Variants in MAGI1 observed in about 807,000 individuals in gnomAD.
MAGI1 encodes membrane associated guanylate kinase, WW and PDZ domain containing 1, also known as membrane-associated guanylate kinase, WW and PDZ domain-containing protein 1.
MAGI1 carries 58 observed loss-of-function variants against 139.9 expected under a neutral mutation model. The observed-to-expected ratio is 0.41, with a 90% CI of 0.34 to 0.52. MAGI1 has a LOEUF of 0.52. MAGI1 is among the 20% of genes least tolerant of loss of function. The pLI is 0.12. For missense variants in MAGI1, 1,874 were observed against 1,901.6 expected, an observed-to-expected ratio of 0.99 and a Z score of 0.27; for synonymous variants, 812 against 737.9, an observed-to-expected ratio of 1.10 and a Z score of -1.63.
intron 1 of MAGI1, among the ~76,000 whole-genome samples, chr3:65,769,334 A>G (rs886161290): frequency 1.3e-5 from 2 of 152,158 alleles, no homozygotes; most frequent in Non-Finnish European, 2.9e-5. Context: ...CTGAAAGTTC[A>G]TAAGCGTAGT....
intron 1 of MAGI1, among the ~76,000 whole-genome samples, chr3:65,950,067 C>CAAAAAAAAACAAAAAAAAAAAAAAAAAA (rs2063733550): frequency 1.7e-4 from 13 of 76,706 alleles, no homozygotes; most frequent in Non-Finnish European, 2.2e-4. Flanking sequence ...AACAAAAAAA[C>CAAAAAAAAACAAAAAAAAAAAAAAAAAA]AAAAAAAAAA....
At chr3:65,978,340 C>T (rs1437072508) in intron 1 of MAGI1, among the ~76,000 whole-genome samples, 5 of 152,178 alleles carry the variant, frequency 3.3e-5, no homozygotes, top group Non-Finnish European at 5.9e-5. Context: ...GCTCTAGAAT[C>T]CACACTGATA....
At chr3:65,597,466 G>T (rs1259148474) in intron 2 of MAGI1, among the ~76,000 whole-genome samples, 1 of 150,928 alleles carries the variant, frequency 6.6e-6, no homozygotes. Flanking sequence ...TCCAGAGCCC[G>T]GCCTCTCCCT....
chr3:65,913,035 G>A (rs1267649588), intron 1 of MAGI1, among the ~76,000 whole-genome samples: 1 of 152,158 alleles, frequency 6.6e-6, no homozygotes, highest in Non-Finnish European at 1.5e-5. Flanking sequence ...CACTTTGGGA[G>A]GCAAGGCAGG....
chr3:65,766,552 C>T (rs1052594856), intron 1 of MAGI1, among the ~76,000 whole-genome samples: 4 of 152,136 alleles, frequency 2.6e-5, no homozygotes. Flanking sequence ...GCATGAGCCA[C>T]GGCCCTTGGC....
chr3:65,419,951 T>C (rs892268000), intron 12 of MAGI1, among the ~76,000 whole-genome samples: 1 of 152,116 alleles, frequency 6.6e-6, no homozygotes, highest in Non-Finnish European at 1.5e-5. Context: ...AGTCAACCTG[T>C]GGAGTCCTGC....
intron 1 of MAGI1, among the ~76,000 whole-genome samples, chr3:65,834,670 G>A (rs1559926847): frequency 1.3e-5 from 2 of 152,290 alleles, no homozygotes; most frequent in East Asian, 1.9e-4. Context: ...ATTGAGAGAG[G>A]GGTTTTGATG....
Position 65,379,183 on chromosome 3 carries a change from G to A in MAGI1, c.2995+78C>T, listed in dbSNP as rs761846067. ...AAGCATTTCTGCACGTGAGGTCTGA[G>A]TCAGCTTTCACTCGCAAGAGAACAA... On this transcript the variant is annotated intron_variant, in intron 17 of 22. Transcript: ENST00000402939. 5.6e-6 allele frequency: 9 copies of A among 1,598,592 alleles called. No individual in the cohort carries two copies. In the Middle Eastern group the frequency reaches 8.3e-4, roughly 147 times the overall value.
chr3:65,807,496 G>A (rs906742365), intron 1 of MAGI1, among the ~76,000 whole-genome samples: 19 of 152,206 alleles, frequency 1.2e-4, no homozygotes, highest in Admixed American at 2.6e-4. Flanking sequence ...ACACGATTCC[G>A]GGGCAGGAGA....
intron 10 of MAGI1, among the ~76,000 whole-genome samples, chr3:65,434,039 T>C (rs1419272603): frequency 6.6e-6 from 1 of 152,166 alleles, no homozygotes. Context: ...TTGGCTTCCA[T>C]ACCGAACAGC....
chr3:65,585,671 T>C (rs1052104527), intron 2 of MAGI1, among the ~76,000 whole-genome samples: 1 of 152,146 alleles, frequency 6.6e-6, no homozygotes, highest in African/African-American at 2.4e-5. Context: ...TCTAGGTATC[T>C]ACCTAGCAAA....
chr3:65,880,586 G>T (rs1370605952), intron 1 of MAGI1, among the ~76,000 whole-genome samples: 1 of 152,042 alleles, frequency 6.6e-6, no homozygotes, highest in Non-Finnish European at 1.5e-5. Context: ...AGATGAGGTG[G>T]GAGAATCAGC....
chr3:65,632,028 A>G (rs530190047), intron 1 of MAGI1, among the ~76,000 whole-genome samples: 6 of 152,188 alleles, frequency 3.9e-5, no homozygotes, highest in Non-Finnish European at 7.4e-5. Context: ...CCGTCTCAAA[A>G]AAAAAAAAAC....
intron 1 of MAGI1, among the ~76,000 whole-genome samples, chr3:65,935,935 C>T: frequency 6.6e-6 from 1 of 152,202 alleles, no homozygotes; most frequent in East Asian, 1.9e-4. Flanking sequence ...CAACCACCAC[C>T]CAGGTGAACT....
rs537214293 is a variant in MAGI1 at position 65,626,070 on chromosome 3, C to T, written c.314-3982G>A. Reference sequence around the variant, plus strand: ...ATGTTTACCAGCAAAATTCCCATTGCCTGCAATGTAGGGTTTTAAATTTCT... The same window carrying T: ...ATGTTTACCAGCAAAATTCCCATTGTCTGCAATGTAGGGTTTTAAATTTCT... On this transcript the variant is annotated intron_variant, in intron 1 of 22. Transcript: ENST00000402939. 3.3e-5 allele frequency among the ~76,000 whole-genome samples: 5 copies of T among 152,268 alleles called. No individual in the cohort carries two copies. In the East Asian group the frequency reaches 9.7e-4, roughly 29 times the overall value.
chr3:65,847,407 A>G (rs1332137602), intron 1 of MAGI1, among the ~76,000 whole-genome samples: 1 of 152,142 alleles, frequency 6.6e-6, no homozygotes, highest in East Asian at 1.9e-4. Context: ...ATCTAAGTCC[A>G]CACAGGCCAT....
intron 1 of MAGI1, among the ~76,000 whole-genome samples, chr3:65,800,897 C>T (rs758544053): frequency 2.6e-5 from 4 of 152,016 alleles, no homozygotes; most frequent in Non-Finnish European, 5.9e-5. Flanking sequence ...TGGTTTTCGC[C>T]ATTAAAAGTA....
At chr3:65,408,580 A>G (rs1945536447) in intron 12 of MAGI1, among the ~76,000 whole-genome samples, 1 of 152,242 alleles carries the variant, frequency 6.6e-6, no homozygotes, top group Admixed American at 6.5e-5. Context: ...ACTGCAATCC[A>G]GTGGTTCTAA....
intron 2 of MAGI1, among the ~76,000 whole-genome samples, chr3:65,493,911 T>C (rs1952237249): frequency 6.6e-6 from 1 of 152,154 alleles, no homozygotes; most frequent in Admixed American, 6.5e-5. Flanking sequence ...TTTTTGATAA[T>C]GCACTGAATA....
Sources: allele counts gnomAD v4.1 joint callset (sites outside exome capture counted in the v4.1 genomes callset), GRCh38; gene constraint gnomAD v4.1.1; transcripts MANE v1.5; gene names NCBI Gene and HGNC (gene_info 2026-07-23, HGNC 2026-07-21).